The following ADORA1 variants were observed in gnomAD, a reference collection of about 807,000 sequenced individuals.
ADORA1 encodes adenosine A1 receptor.
ADORA1 carries 6 observed loss-of-function variants against 19.9 expected under a neutral mutation model. The observed-to-expected ratio is 0.30, with a 90% CI of 0.17 to 0.59. The LOEUF (loss-of-function observed/expected upper bound fraction) is 0.59. ADORA1 is among the 20% of genes least tolerant of loss of function. The pLI is 0.87. For synonymous variants in ADORA1, 194 were observed against 188.4 expected (o/e 1.03, Z -0.24); for missense variants, 302 against 439.2 (o/e 0.69, Z 2.79).
At chr1:203,154,517 GC>G (rs1337848956) in intron 3 of ADORA1, among the ~76,000 whole-genome samples, 2 of 152,180 alleles carry the variant, frequency 1.3e-5, no homozygotes, top group African/African-American at 4.8e-5. Context: ...AAGTGAGGAG[GC>G]GGTGATCCCG....
intron 3 of ADORA1, among the ~76,000 whole-genome samples, chr1:203,135,707 T>C (rs1437874239): frequency 1.3e-5 from 2 of 151,966 alleles, no homozygotes; most frequent in Non-Finnish European, 2.9e-5. Flanking sequence ...AAAAACACTT[T>C]AATGATTCAC....
chr1:203,164,303 T>G (rs1482201116), intron 3 of ADORA1, among the ~76,000 whole-genome samples: 1 of 152,260 alleles, frequency 6.6e-6, no homozygotes, highest in African/African-American at 2.4e-5. Context: ...GTGTTATCTG[T>G]CTCTTCACCC....
rs5780149 is a variant in ADORA1 at position 203,165,007 on chromosome 1, A to AT, written c.342-250dup. 0.14 allele frequency: 223,221 copies of AT among 1,541,912 alleles called. 20,312 individuals carry two copies. Among genetic ancestry groups the AT allele is most frequent in the African/African-American group, 0.43 (31,309 of 72,600 alleles). ...AAATTCATAAAGGAGCTCCTCTGTG[A>AT]TTTTCTATTATTATTTTTGTCATTA... On this transcript the variant is annotated intron_variant, in intron 3 of 3. Coordinates refer to ENST00000337894, the MANE Select transcript of ADORA1 (RefSeq NM_000674.3). This position sits in a 1 kb window ranked among gnomAD's most constrained non-coding sequence, Gnocchi z 5.9.
At chr1:203,147,558 A>C (rs1214844939) in intron 3 of ADORA1, among the ~76,000 whole-genome samples, 1 of 152,244 alleles carries the variant, frequency 6.6e-6, no homozygotes, top group Non-Finnish European at 1.5e-5. Flanking sequence ...GTCAGGGACC[A>C]GCAGCCTTGG....
At chr1:203,150,786 G>A (rs757354612) in intron 3 of ADORA1, 3 of 1,289,628 alleles carry the variant, frequency 2.3e-6, no homozygotes, top group South Asian at 2.5e-5. Flanking sequence ...AAGGTGGTGA[G>A]CTCTTCCTGT....
intron 3 of ADORA1, among the ~76,000 whole-genome samples, chr1:203,139,954 A>G (rs1451164294): frequency 6.6e-6 from 1 of 152,222 alleles, no homozygotes; most frequent in Non-Finnish European, 1.5e-5. Context: ...TAAGTGTGCT[A>G]TGAAGCCTCT....
Position 203,128,491 on chromosome 1 carries a change from C to A in ADORA1, c.-58+59C>A. On this transcript the variant is annotated intron_variant, in intron 2 of 3. Coordinates refer to ENST00000337894, the MANE Select transcript of ADORA1 (RefSeq NM_000674.3). The surrounding 1 kb of genome is among the most constrained non-coding windows in gnomAD (Gnocchi z 5.9). Reference sequence around the variant, plus strand: ...GTGGGCAGAGCCAGTCATGGGAGACCCCTCTGTGCGTGTGTCTGTGTGTGC... The same window carrying A: ...GTGGGCAGAGCCAGTCATGGGAGACACCTCTGTGCGTGTGTCTGTGTGTGC... 8.2e-7 allele frequency: 1 copy of A among 1,218,276 alleles called. No individual in the cohort carries two copies. The allele number at this position is 1,218,276 out of a possible 1,614,324, so 75.5% of individuals were successfully genotyped here.
At chr1:203,164,525 C>T (rs1030450442) in intron 3 of ADORA1, among the ~76,000 whole-genome samples, 8 of 152,110 alleles carry the variant, frequency 5.3e-5, no homozygotes, top group African/African-American at 1.9e-4. Flanking sequence ...TCCCAGTTAG[C>T]TTGGGAGTGC....
At chr1:203,144,403 T>C (rs1654797864) in intron 3 of ADORA1, among the ~76,000 whole-genome samples, 1 of 152,192 alleles carries the variant, frequency 6.6e-6, no homozygotes, top group Non-Finnish European at 1.5e-5. Flanking sequence ...GTGCTTAGGA[T>C]TGCTAGGCCC....
At chr1:203,142,448 G>A (rs1414168943) in intron 3 of ADORA1, among the ~76,000 whole-genome samples, 1 of 152,220 alleles carries the variant, frequency 6.6e-6, no homozygotes, top group African/African-American at 2.4e-5. Context: ...ACCTTAGTGG[G>A]GAAGACTGAG....
rs1172382472 is a variant in ADORA1 at position 203,145,947 on chromosome 1, TAAAGCCCTGCACTCAGG to T, written c.341+16766_341+16782del. 3.9e-5 allele frequency among the ~76,000 whole-genome samples: 6 copies of T among 152,234 alleles called. No homozygotes were observed. The East Asian group carries it at 9.7e-4, about 25-fold the overall frequency. ...GGCTGTGGCAGGGCAGGGAGGTGTA[TAAAGCCCTGCACTCAGG>T]TCAGAGTGTGTTCTGCCACTGCTCT... is the stretch of plus-strand genomic sequence containing the variant. On this transcript the variant is annotated intron_variant, in intron 3 of 3. Coordinates refer to ENST00000337894, the MANE Select transcript of ADORA1 (RefSeq NM_000674.3).
chr1:203,159,943 A>G (rs1313171518), intron 3 of ADORA1, among the ~76,000 whole-genome samples: 2 of 152,212 alleles, frequency 1.3e-5, no homozygotes, highest in African/African-American at 4.8e-5. Context: ...GGCAAAGCAC[A>G]ATGGCATCCT....
intron 3 of ADORA1, among the ~76,000 whole-genome samples, chr1:203,145,727 T>C (rs1056190074): frequency 6.6e-6 from 1 of 152,234 alleles, no homozygotes; most frequent in Non-Finnish European, 1.5e-5. Context: ...AGAACCAATG[T>C]GTAGCCACCA....
intron 3 of ADORA1, among the ~76,000 whole-genome samples, chr1:203,134,617 C>G (rs1654448418): frequency 1.3e-5 from 2 of 152,146 alleles, no homozygotes. Flanking sequence ...ATGCCTTTTA[C>G]CCAGAGGCAG....
rs200808876 is a variant in ADORA1, at chr1:203,165,831, T to A, written c.912T>A (p.Asn304Lys). The change falls in exon 4 of 4, where the codon AAT becomes AAA. Residue 304 changes from asparagine (N) to lysine (K), a missense_variant. Coordinates refer to ENST00000337894, the MANE Select transcript of ADORA1 (RefSeq NM_000674.3). The surrounding 1 kb of genome is among the most constrained non-coding windows in gnomAD (Gnocchi z 5.9). ...GCGTCACCTTCCTTAAGATTTGGAA[T>A]GACCATTTCCGCTGCCAGCCTGCAC... ...KFRVTFLKIW[N>K]DHFRCQPAPP... The A allele has an allele frequency of 6.2e-7, 1 of 1,606,464 alleles. No homozygotes were observed. The highest frequency in any genetic ancestry group is 8.5e-7 in the Non-Finnish European group (1 of 1,175,668).
intron 3 of ADORA1, among the ~76,000 whole-genome samples, chr1:203,145,674 G>A (rs979252403): frequency 1.3e-5 from 2 of 152,214 alleles, no homozygotes; most frequent in African/African-American, 2.4e-5. Context: ...CTTCTACCTC[G>A]GTGAAGTGGA....
At chr1:203,152,111 C>G (rs1655056753) in intron 3 of ADORA1, among the ~76,000 whole-genome samples, 5 of 152,244 alleles carry the variant, frequency 3.3e-5, no homozygotes, top group Admixed American at 2.6e-4. Flanking sequence ...AGATCTCATT[C>G]AATCCCTCAT....
chr1:203,164,479 G>T (rs1333717639), intron 3 of ADORA1, among the ~76,000 whole-genome samples: 1 of 152,214 alleles, frequency 6.6e-6, no homozygotes, highest in Non-Finnish European at 1.5e-5. Context: ...TGTAGTAGAT[G>T]CTCAGTGAAT....
intron 3 of ADORA1, among the ~76,000 whole-genome samples, chr1:203,133,012 A>G (rs1654390320): frequency 6.6e-6 from 1 of 151,854 alleles, no homozygotes. Context: ...GCTCCTAGTG[A>G]GTGTATGCTA....
Sources: gnomAD v4.1 joint callset for allele counts (sites outside exome capture counted in the v4.1 genomes callset) on GRCh38, gnomAD v4.1.1 for gene constraint, Gnocchi (gnomAD v3.1) non-coding constraint, MANE v1.5 for transcripts, NCBI Gene and HGNC (gene_info 2026-07-23, HGNC 2026-07-21) for gene names.